Variants in TMEM192 observed in about 807,000 individuals in gnomAD.
The protein encoded by TMEM192 is transmembrane protein 192.
In TMEM192, 20 loss-of-function variants were observed where a neutral mutation model predicts 26.7. The observed-to-expected ratio is 0.75, with a 90% CI of 0.53 to 1.09. TMEM192 has a LOEUF of 1.09. Among genes scored for constraint, TMEM192 ranks in the 50% least tolerant of loss-of-function variants. The probability of loss-of-function intolerance (pLI) is 0.00; values close to 1 mark genes in which losing one functional copy is unlikely to be tolerated. For missense variants in TMEM192, 304 were observed against 322.6 expected, an observed-to-expected ratio of 0.94 and a Z score of 0.44; for synonymous variants, 124 against 121.0, an observed-to-expected ratio of 1.02 and a Z score of -0.16.
intron 1 of TMEM192, among the ~76,000 whole-genome samples, chr4:165,108,161 C>T (rs2110800907): frequency 7.6e-6 from 1 of 131,984 alleles, no homozygotes; most frequent in Admixed American, 8.3e-5. Flanking sequence ...CTTGCTCTGT[C>T]ACCCAGGTTG....
chr4:165,090,799 G>A (rs1734740030), intron 3 of TMEM192, among the ~76,000 whole-genome samples: 1 of 148,576 alleles, frequency 6.7e-6, no homozygotes, highest in African/African-American at 2.5e-5. Context: ...AGCTATTTGG[G>A]AGGCTGACAC....
intron 4 of TMEM192, among the ~76,000 whole-genome samples, chr4:165,088,101 G>A (rs1734667676): frequency 6.6e-6 from 1 of 152,052 alleles, no homozygotes; most frequent in African/African-American, 2.4e-5. Flanking sequence ...TGTAGAGATG[G>A]AGTTTCATCA....
intron 3 of TMEM192, 134 bp from the exon 4 acceptor site, chr4:165,088,736 G>A: frequency 1.1e-6 from 1 of 910,118 alleles, no homozygotes. Flanking sequence ...AGTGATCAGA[G>A]CCTTCAGAAA....
At chr4:165,112,228 C>T (rs1735309127) in intron 1 of TMEM192, among the ~76,000 whole-genome samples, 1 of 152,158 alleles carries the variant, frequency 6.6e-6, no homozygotes, top group Non-Finnish European at 1.5e-5. Flanking sequence ...GACAGGTCTG[C>T]GGGACGCTGG....
At chr4:165,096,842 A>G (rs28366431) in intron 3 of TMEM192, among the ~76,000 whole-genome samples, 69,951 of 152,058 alleles carry the variant, frequency 0.46, 17,798 homozygotes, top group East Asian at 0.58. Flanking sequence ...AAAGGTAAAG[A>G]TCAAATAATC....
At chr4:165,081,224 A>G (rs1734511833) in intron 5 of TMEM192, among the ~76,000 whole-genome samples, 1 of 111,940 alleles carries the variant, frequency 8.9e-6, no homozygotes. Context: ...ACCACCTAGG[A>G]ACCTCCCACT....
Position 165,078,777 on chromosome 4 carries a change from TATTTC to T in TMEM192, c.*876_*880del, listed in dbSNP as rs1391785614. On this transcript the variant is annotated 3_prime_UTR_variant, in exon 6 of 6. Coordinates refer to ENST00000306480, the MANE Select transcript of TMEM192 (RefSeq NM_001100389.2). The stretch of plus-strand genomic sequence containing the variant: ...GTCCAAGTAATCAATCATCATATCT[TATTTC>T]TTTTCTTTTTCTTTTTTGTTTTTTT... The T allele has an allele frequency of 1.3e-5, 2 of 152,370 alleles. No homozygotes were observed. The highest frequency in any genetic ancestry group is 4.1e-4 in the South Asian group (2 of 4,832). 9.4% of individuals were successfully genotyped at this position (152,370 alleles called of 1,614,324 possible).
intron 1 of TMEM192, among the ~76,000 whole-genome samples, chr4:165,104,068 A>G (rs1735108378): frequency 6.6e-6 from 1 of 152,182 alleles, no homozygotes; most frequent in African/African-American, 2.4e-5. Context: ...GGTTGCAGTG[A>G]GCCGAGATTG....
At chr4:165,103,444 G>A (rs1249708934) in intron 1 of TMEM192, among the ~76,000 whole-genome samples, 1 of 148,654 alleles carries the variant, frequency 6.7e-6, no homozygotes, top group East Asian at 2.0e-4. Flanking sequence ...TCCCAGGTTC[G>A]AGCAATTCTC....
rs1385030477 is a variant in TMEM192, at chr4:165,079,304, A to T, written c.*354T>A. ...TGTTTAAAATCGATTGTCTTGTTAG[A>T]CTTCCCCTATCCATAATGAAATCAT... On this transcript the variant is annotated 3_prime_UTR_variant, in exon 6 of 6. Coordinates refer to ENST00000306480, the MANE Select transcript of TMEM192 (RefSeq NM_001100389.2). The T allele has an allele frequency of 1.6e-5, 3 of 189,130 alleles. No homozygotes were observed. The highest frequency in any genetic ancestry group is 3.2e-5 in the Non-Finnish European group (3 of 92,950). 11.7% of individuals were successfully genotyped at this position (189,130 alleles called of 1,614,324 possible).
chr4:165,110,496 G>A (rs950506545), intron 1 of TMEM192, among the ~76,000 whole-genome samples: 4 of 152,150 alleles, frequency 2.6e-5, no homozygotes, highest in African/African-American at 9.7e-5. Flanking sequence ...AAGGCAGATG[G>A]ATCACCTGAG....
chr4:165,084,183 A>C (rs1172914439), intron 5 of TMEM192, among the ~76,000 whole-genome samples: 1 of 151,028 alleles, frequency 6.6e-6, no homozygotes, highest in Non-Finnish European at 1.5e-5. Context: ...CCATTTCTTA[A>C]GCCCCTAAGT....
Position 165,076,323 on chromosome 4 carries a change from T to A in TMEM192, c.*3335A>T, listed in dbSNP as rs1187751383. On this transcript the variant is annotated 3_prime_UTR_variant, in exon 6 of 6. Coordinates refer to ENST00000306480, the MANE Select transcript of TMEM192 (RefSeq NM_001100389.2). Reference sequence around the variant, plus strand: ...ATTTCCTCCATATTGAACTACCATCTGATCCTGCTGAAACTAAAACTGACA... The same window carrying A: ...ATTTCCTCCATATTGAACTACCATCAGATCCTGCTGAAACTAAAACTGACA... The A allele has an allele frequency of 6.6e-6, 1 of 152,206 alleles. No homozygotes were observed. The highest frequency in any genetic ancestry group is 1.5e-5 in the Non-Finnish European group (1 of 68,046). 9.4% of individuals were successfully genotyped at this position (152,206 alleles called of 1,614,324 possible). A position where few individuals can be genotyped will look rare whatever the true frequency, so the allele number is the denominator to read the frequency against.
At chr4:165,087,942 CTCTG>C (rs1393476559) in intron 4 of TMEM192, among the ~76,000 whole-genome samples, 3 of 152,134 alleles carry the variant, frequency 2.0e-5, no homozygotes, top group Non-Finnish European at 2.9e-5. Context: ...CAGGGTCTTA[CTCTG>C]TCACCCAGGC....
At chr4:165,084,405 G>T (rs1323745703) in intron 5 of TMEM192, among the ~76,000 whole-genome samples, 1 of 151,444 alleles carries the variant, frequency 6.6e-6, no homozygotes, top group Non-Finnish European at 1.5e-5. Flanking sequence ...CATCATGTTG[G>T]CCAGGCTGGT....
intron 4 of TMEM192, among the ~76,000 whole-genome samples, chr4:165,087,227 T>A (rs1261538902): frequency 1.3e-5 from 2 of 152,176 alleles, no homozygotes; most frequent in East Asian, 3.8e-4. Context: ...GAGTTAAGTA[T>A]AAACAAGATC....
At chr4:165,090,071 C>T (rs1193022159) in intron 3 of TMEM192, among the ~76,000 whole-genome samples, 6 of 151,818 alleles carry the variant, frequency 4.0e-5, no homozygotes, top group Non-Finnish European at 7.4e-5. Context: ...ATTAGCTGGG[C>T]GTGCTGGCAT....
chr4:165,095,323 C>T (rs1191772876), intron 3 of TMEM192, among the ~76,000 whole-genome samples: 2 of 152,184 alleles, frequency 1.3e-5, no homozygotes, highest in Admixed American at 1.3e-4. Context: ...TGCAGCCCCT[C>T]CTCTAAACAA....
In TMEM192 at chr4:165,095,484, T is replaced by A. The variant is rs538702093; in HGVS notation, c.439+5144A>T. 5.9e-5 allele frequency among the ~76,000 whole-genome samples: 9 copies of A among 152,232 alleles called. No individual in the cohort carries two copies. In the South Asian group the frequency reaches 1.7e-3, roughly 28 times the overall value. ...GACAGTCTCTGGCCCTCCCAAAGAA[T>A]GTGGGCCATGAGAACTAGAGGTGAG... is the stretch of plus-strand genomic sequence containing the variant. On this transcript the variant is annotated intron_variant, in intron 3 of 5. Transcript: ENST00000306480.
Sources: allele counts gnomAD v4.1 joint callset (sites outside exome capture counted in the v4.1 genomes callset), GRCh38; gene constraint gnomAD v4.1.1; transcripts MANE v1.5; gene names NCBI Gene and HGNC (gene_info 2026-07-23, HGNC 2026-07-21).